The following EGFLAM variants were observed in gnomAD, a reference collection of about 807,000 sequenced individuals.
EGFLAM encodes the protein EGF like, fibronectin type III and laminin G domains, also known as pikachurin.
A neutral mutation model predicts 113.1 loss-of-function variants in EGFLAM; 79 were observed. The observed-to-expected ratio is 0.70, with a 90% confidence interval of 0.58 to 0.84. The LOEUF (loss-of-function observed/expected upper bound fraction) is 0.84, where lower values mean the gene tolerates loss of function less well. Among genes scored for constraint, EGFLAM ranks in the 40% least tolerant of loss-of-function variants. The probability of loss-of-function intolerance (pLI) is 0.00; values close to 1 mark genes in which losing one functional copy is unlikely to be tolerated. For missense variants in EGFLAM, 1,265 were observed against 1,291.6 expected (o/e 0.98, Z 0.32); for synonymous variants, 504 against 487.6 (o/e 1.03, Z -0.44).
intron 2 of EGFLAM, among the ~76,000 whole-genome samples, chr5:38,338,188 G>T (rs1275205023): frequency 1.3e-5 from 2 of 152,100 alleles, no homozygotes; most frequent in Non-Finnish European, 2.9e-5. Context: ...GATATGGGGA[G>T]AGCTGGCCAC....
chr5:38,452,739 T>C (rs561021837), intron 19 of EGFLAM, among the ~76,000 whole-genome samples: 48 of 152,338 alleles, frequency 3.2e-4, no homozygotes, highest in Admixed American at 5.2e-4. Flanking sequence ...CATGTCTCAA[T>C]AGATCCACCC....
At chr5:38,336,170 T>C (rs1294551249) in intron 1 of EGFLAM, among the ~76,000 whole-genome samples, 1 of 152,358 alleles carries the variant, frequency 6.6e-6, no homozygotes, top group Non-Finnish European at 1.5e-5. Context: ...ATTTTAATGA[T>C]TGTAAATATG....
chr5:38,371,606 A>C (rs1454206772), intron 6 of EGFLAM, among the ~76,000 whole-genome samples: 2 of 151,738 alleles, frequency 1.3e-5, no homozygotes, highest in Non-Finnish European at 1.5e-5. Context: ...CAAAACACAC[A>C]CATGCGCACA....
chr5:38,370,053 G>A (rs139202833), intron 5 of EGFLAM, among the ~76,000 whole-genome samples: 108 of 152,230 alleles, frequency 7.1e-4, no homozygotes, highest in African/African-American at 2.4e-3. Flanking sequence ...AAGGAAAAAC[G>A]GATTGTCTTT....
chr5:38,372,392 C>T (rs1390311999), intron 6 of EGFLAM, among the ~76,000 whole-genome samples: 1 of 152,148 alleles, frequency 6.6e-6, no homozygotes. Flanking sequence ...AACTCCTGAC[C>T]TTGTGATCCA....
At chr5:38,440,949 A>G (rs906384634) in intron 17 of EGFLAM, among the ~76,000 whole-genome samples, 1 of 152,142 alleles carries the variant, frequency 6.6e-6, no homozygotes, top group African/African-American at 2.4e-5. Context: ...GGACAATTTG[A>G]CACTTGTTCC....
intron 9 of EGFLAM, among the ~76,000 whole-genome samples, chr5:38,408,446 A>G (rs1257894654): frequency 1.3e-5 from 2 of 152,214 alleles, no homozygotes; most frequent in Non-Finnish European, 2.9e-5. Context: ...CCAATGATAC[A>G]AAAAGGTCTG....
At chr5:38,281,744 C>A (rs7724413) in intron 1 of EGFLAM, among the ~76,000 whole-genome samples, 26,084 of 152,012 alleles carry the variant, frequency 0.17, 2,471 homozygotes, top group Middle Eastern at 0.28. Context: ...TGATTTACCA[C>A]CTTCTCCCAA....
At chr5:38,364,186 G>C (rs972793472) in intron 5 of EGFLAM, among the ~76,000 whole-genome samples, 1 of 152,172 alleles carries the variant, frequency 6.6e-6, no homozygotes, top group Non-Finnish European at 1.5e-5. Context: ...ACATGCAAGA[G>C]ATTTAGGGAT....
chr5:38,271,082 A>G (rs2111715792), intron 1 of EGFLAM, among the ~76,000 whole-genome samples: 1 of 152,270 alleles, frequency 6.6e-6, no homozygotes, highest in South Asian at 2.1e-4. Context: ...ATTGATATTG[A>G]TGAAAGAGTT....
At chr5:38,412,724 G>A (rs1465285225) in intron 11 of EGFLAM, 76 bp downstream of exon 11, 10 of 1,542,792 alleles carry the variant, frequency 6.5e-6, no homozygotes, top group African/African-American at 1.4e-5. Flanking sequence ...TTACTGCAGA[G>A]AGCCGTGGCA....
At chr5:38,308,331 GCTCTTT>G (rs951879719) in intron 1 of EGFLAM, among the ~76,000 whole-genome samples, 4 of 152,184 alleles carry the variant, frequency 2.6e-5, no homozygotes, top group African/African-American at 9.7e-5. Flanking sequence ...TGTCCTTATT[GCTCTTT>G]CTCTTTTCCC....
chr5:38,382,122 C>T (rs1367309552), intron 6 of EGFLAM, among the ~76,000 whole-genome samples: 1 of 152,112 alleles, frequency 6.6e-6, no homozygotes, highest in African/African-American at 2.4e-5. Flanking sequence ...GAAAAAAATT[C>T]AGGCAACATA....
chr5:38,464,861 T>C lies in EGFLAM; in HGVS notation c.*875T>C, dbSNP rs1244763045. On this transcript the variant is annotated 3_prime_UTR_variant, in exon 22 of 22. Coordinates refer to ENST00000322350, the MANE Select transcript of EGFLAM (RefSeq NM_152403.4). ...ACTTGGGGAGCTGACCATTCTCTTT[T>C]GGTAAATGTTGACGGCTCAAGAGGA... is the stretch of plus-strand genomic sequence containing the variant. 6.6e-6 allele frequency: 1 copy of C among 152,196 alleles called. No homozygotes were observed. The highest frequency in any genetic ancestry group is 6.5e-5 in the Admixed American group (1 of 15,286). The allele number at this position is 152,196 out of a possible 1,614,324, so 9.4% of individuals were successfully genotyped here. A position where few individuals can be genotyped will look rare whatever the true frequency, so the allele number is the denominator to read the frequency against.
At chr5:38,262,781 C>T (rs1757531760) in intron 1 of EGFLAM, among the ~76,000 whole-genome samples, 1 of 152,164 alleles carries the variant, frequency 6.6e-6, no homozygotes, top group South Asian at 2.1e-4. Context: ...GAATAAAGTT[C>T]CTAGACACGT....
chr5:38,294,827 C>CT (rs150950704), intron 1 of EGFLAM, among the ~76,000 whole-genome samples: 29,468 of 151,646 alleles, frequency 0.19, 3,297 homozygotes, highest in Middle Eastern at 0.31. Context: ...GCAACTCATT[C>CT]TTTTTTTTGG....
At chr5:38,361,489 A>C (rs1210320719) in intron 5 of EGFLAM, among the ~76,000 whole-genome samples, 1 of 152,212 alleles carries the variant, frequency 6.6e-6, no homozygotes, top group Non-Finnish European at 1.5e-5. Context: ...GCTGGTAAGC[A>C]TTTGGACACA....
intron 1 of EGFLAM, among the ~76,000 whole-genome samples, chr5:38,336,693 G>T (rs1415877974): frequency 6.6e-6 from 1 of 151,086 alleles, no homozygotes; most frequent in Non-Finnish European, 1.5e-5. Flanking sequence ...CCAATATGAC[G>T]CTCAAGGGAA....
rs113229292 is a variant in EGFLAM at position 38,430,514 on chromosome 5, A to G, written c.2055-663A>G. 8.5e-3 allele frequency among the ~76,000 whole-genome samples: 1,292 copies of G among 152,262 alleles called. 22 individuals carry two copies. Among genetic ancestry groups the G allele is most frequent in the African/African-American group, 0.03 (1,252 of 41,544 alleles). ...TTAGTGTTTTCTTTTTACTGAATGGATTGGTGTGCCTAAGGTTAGCATTAG... is the reference window on the plus strand; with the variant it reads ...TTAGTGTTTTCTTTTTACTGAATGGGTTGGTGTGCCTAAGGTTAGCATTAG... On this transcript the variant is annotated intron_variant, in intron 14 of 21. Coordinates refer to ENST00000322350, the MANE Select transcript of EGFLAM (RefSeq NM_152403.4).
Sources: allele counts gnomAD v4.1 joint callset (sites outside exome capture counted in the v4.1 genomes callset), GRCh38; gene constraint gnomAD v4.1.1; transcripts MANE v1.5; gene names NCBI Gene and HGNC (gene_info 2026-07-23, HGNC 2026-07-21).